NHEJ1: variants seen among roughly 807,000 people sequenced by gnomAD.
NHEJ1 encodes non-homologous end joining factor 1.
NHEJ1 carries 22 observed loss-of-function variants against 39.4 expected under a neutral mutation model. The observed-to-expected ratio is 0.56, with a 90% CI of 0.40 to 0.80. NHEJ1 has a LOEUF of 0.80. Among genes scored for constraint, NHEJ1 ranks in the 30% least tolerant of loss-of-function variants. The pLI, the probability that NHEJ1 is intolerant of heterozygous loss-of-function variation, is 0.00. For synonymous variants in NHEJ1, 154 were observed against 135.6 expected, an observed-to-expected ratio of 1.14 and a Z score of -0.94; for missense variants, 329 against 357.1, an observed-to-expected ratio of 0.92 and a Z score of 0.63.
intron 5 of NHEJ1, among the ~76,000 whole-genome samples, chr2:219,121,898 T>C (rs1230410826): frequency 1.3e-5 from 2 of 152,008 alleles, no homozygotes; most frequent in African/African-American, 4.8e-5. Flanking sequence ...AATAGTAGGG[T>C]GGCTTGGGGT....
chr2:219,148,497 T>C (rs1559202687), intron 3 of NHEJ1, among the ~76,000 whole-genome samples: 1 of 152,152 alleles, frequency 6.6e-6, no homozygotes, highest in Non-Finnish European at 1.5e-5. Flanking sequence ...AGGTCAAGGC[T>C]TCAGTGAGCT....
chr2:219,097,937 G>C (rs1949224113), intron 5 of NHEJ1, among the ~76,000 whole-genome samples: 1 of 152,130 alleles, frequency 6.6e-6, no homozygotes, highest in Non-Finnish European at 1.5e-5. Context: ...GAAGAGAAGA[G>C]ATCAGCAAAG....
intron 5 of NHEJ1, among the ~76,000 whole-genome samples, chr2:219,120,989 G>A (rs1320046893): frequency 6.6e-6 from 1 of 152,066 alleles, no homozygotes; most frequent in Non-Finnish European, 1.5e-5. Context: ...TTGAGGTCAG[G>A]AGTTCAAGAC....
chr2:219,116,535 T>C (rs571181566), intron 5 of NHEJ1, among the ~76,000 whole-genome samples: 27 of 152,188 alleles, frequency 1.8e-4, no homozygotes, highest in African/African-American at 6.5e-4. Flanking sequence ...TTTTGTCTTT[T>C]TTTGTAGAGA....
Position 219,118,983 on chromosome 2 carries a change from G to A in NHEJ1, c.588+27697C>T, listed in dbSNP as rs147350019. Among the ~76,000 whole-genome samples the A allele has an allele frequency of 1.6e-3, 250 of 152,268 alleles. 1 individual carries two copies. Among genetic ancestry groups the A allele is most frequent in the African/African-American group, 5.4e-3 (226 of 41,538 alleles). On this transcript the variant is annotated intron_variant, in intron 5 of 7. Coordinates refer to ENST00000356853, the MANE Select transcript of NHEJ1 (RefSeq NM_024782.3). ...TGGGGGGACTTGAACCATCTGCTTT[G>A]GTGTCCCACAGTCTTGACAGTGCTC...
intron 5 of NHEJ1, among the ~76,000 whole-genome samples, chr2:219,145,652 G>C (rs1037423441): frequency 6.6e-6 from 1 of 151,872 alleles, no homozygotes; most frequent in Non-Finnish European, 1.5e-5. Context: ...TGGGGCAATA[G>C]GCCGGGCGCA....
chr2:219,103,241 C>A (rs1433124557), intron 5 of NHEJ1, among the ~76,000 whole-genome samples: 1 of 149,668 alleles, frequency 6.7e-6, no homozygotes, highest in Non-Finnish European at 1.5e-5. Flanking sequence ...CAAGAGGATA[C>A]TATTTTTATT....
intron 5 of NHEJ1, among the ~76,000 whole-genome samples, chr2:219,129,700 G>A (rs1039141678): frequency 6.6e-6 from 1 of 152,236 alleles, no homozygotes; most frequent in African/African-American, 2.4e-5. Context: ...TAATTATGGT[G>A]TGGTCAACAA....
At chr2:219,109,916 A>G (rs1486988939) in intron 5 of NHEJ1, among the ~76,000 whole-genome samples, 1 of 152,168 alleles carries the variant, frequency 6.6e-6, no homozygotes, top group African/African-American at 2.4e-5. Context: ...TGGGGTGGAT[A>G]GTTTTTTGAT....
In NHEJ1 at chr2:219,159,572, TATGC is replaced by T. The variant is rs1354609231; in HGVS notation, c.-1+1144_-1+1147del. Among the ~76,000 whole-genome samples the T allele has an allele frequency of 1.4e-4, 2 of 14,316 alleles. 1 individual carries two copies. Among genetic ancestry groups the T allele is most frequent in the Admixed American group, 1.6e-3 (2 of 1,282 alleles). The allele number at this position is 14,316 out of a possible 152,430, so 9.4% of individuals were successfully genotyped here. ...ATATGCATATATATATGCATATATA[TATGC>T]ATATATATATGCATATATATATATG... On this transcript the variant is annotated intron_variant, in intron 1 of 7. Transcript: ENST00000356853.
intron 5 of NHEJ1, among the ~76,000 whole-genome samples, chr2:219,145,060 C>T (rs935236104): frequency 1.3e-5 from 2 of 152,010 alleles, no homozygotes; most frequent in East Asian, 3.9e-4. Flanking sequence ...ACTAAAAATA[C>T]AAAAATTAGC....
At chr2:219,098,499 T>A (rs1390585158) in intron 5 of NHEJ1, among the ~76,000 whole-genome samples, 2 of 152,062 alleles carry the variant, frequency 1.3e-5, no homozygotes, top group African/African-American at 4.8e-5. Flanking sequence ...TGCACACAGG[T>A]GGAAAGGCAG....
chr2:219,100,959 C>A (rs1435659713), intron 5 of NHEJ1, among the ~76,000 whole-genome samples: 2 of 152,186 alleles, frequency 1.3e-5, no homozygotes, highest in Non-Finnish European at 2.9e-5. Flanking sequence ...CCAATCCCCC[C>A]CTCAGAGGAA....
intron 5 of NHEJ1, among the ~76,000 whole-genome samples, chr2:219,137,433 T>A (rs1949641779): frequency 6.6e-6 from 1 of 152,030 alleles, no homozygotes; most frequent in East Asian, 1.9e-4. Flanking sequence ...CTTCCCACTA[T>A]CTGCAACAGT....
At chr2:219,135,043 T>TAAAAA (rs59843524) in intron 5 of NHEJ1, among the ~76,000 whole-genome samples, 1 of 110,400 alleles carries the variant, frequency 9.1e-6, no homozygotes, top group African/African-American at 3.5e-5. Context: ...CCGTCTCAAT[T>TAAAAA]AAAAAAAAAA....
intron 3 of NHEJ1, among the ~76,000 whole-genome samples, chr2:219,148,913 C>T (rs1424037691): frequency 2.0e-5 from 3 of 150,934 alleles, no homozygotes; most frequent in Admixed American, 1.3e-4. Flanking sequence ...GAAGGAGTTT[C>T]GCTCATGTTG....
At chr2:219,158,689 A>C (rs570373810) in intron 1 of NHEJ1, 2 of 378,998 alleles carry the variant, frequency 5.3e-6, no homozygotes, top group South Asian at 4.8e-5. Context: ...ATAACGTGGA[A>C]ACCTAAACCC....
rs1257377124 is a variant in NHEJ1 at position 219,078,178 on chromosome 2, T to A, written c.617A>T (p.Asp206Val). 6.2e-7 allele frequency: 1 copy of A among 1,614,132 alleles called. No homozygotes were observed. The highest frequency in any genetic ancestry group is 1.7e-5 in the Admixed American group (1 of 60,014). Reference protein sequence around the residue: ...EKLPEACSIGDGKPFVMNLQD... With the variant: ...EKLPEACSIGVGKPFVMNLQD... ...CAGATTCATGACAAAGGGCTTTCCA[T>A]CACCAATGCTGCATGCCTCTGGCAG... is the stretch of plus-strand genomic sequence containing the variant. The change falls in exon 6 of 8, where the codon GAT (aspartate) becomes GTT (valine). Residue 206 changes from aspartate to valine, a missense_variant. Transcript: ENST00000356853.
intron 5 of NHEJ1, among the ~76,000 whole-genome samples, chr2:219,128,677 C>T (rs929165760): frequency 1.3e-5 from 2 of 152,192 alleles, no homozygotes; most frequent in African/African-American, 4.8e-5. Context: ...AGAAGCCTCT[C>T]CTTGACACGT....
Sources: gnomAD v4.1 joint callset for allele counts (sites outside exome capture counted in the v4.1 genomes callset) on GRCh38, gnomAD v4.1.1 for gene constraint, MANE v1.5 for transcripts, NCBI Gene and HGNC (gene_info 2026-07-23, HGNC 2026-07-21) for gene names.